Variants in PARP15 observed in about 807,000 individuals in gnomAD.
PARP15 encodes the protein poly(ADP-ribose) polymerase family member 15.
In PARP15, 50 loss-of-function variants were observed where a neutral mutation model predicts 62.1. The observed-to-expected ratio is 0.81, with a 90% CI of 0.64 to 1.02. The LOEUF is 1.02. PARP15 is among the 50% of genes least tolerant of loss of function. The pLI, the probability that PARP15 is intolerant of heterozygous loss-of-function variation, is 0.00. For synonymous variants in PARP15, 309 were observed against 293.1 expected (o/e 1.05, Z -0.55); for missense variants, 820 against 826.5 (o/e 0.99, Z 0.10).
At chr3:122,631,261 T>C (rs1430518677) in intron 9 of PARP15, among the ~76,000 whole-genome samples, 1 of 152,168 alleles carries the variant, frequency 6.6e-6, no homozygotes, top group African/African-American at 2.4e-5. Flanking sequence ...AAAATGGAGT[T>C]TGAAAAGAGC....
intron 3 of PARP15, among the ~76,000 whole-genome samples, chr3:122,611,493 G>A (rs956246356): frequency 5.8e-4 from 87 of 149,522 alleles, no homozygotes; most frequent in Non-Finnish European, 4.0e-4. Flanking sequence ...TGCCCACCAC[G>A]GGGCCTGGCT....
intron 3 of PARP15, among the ~76,000 whole-genome samples, chr3:122,612,112 G>A (rs1935611309): frequency 1.3e-5 from 2 of 151,154 alleles, no homozygotes; most frequent in South Asian, 4.2e-4. Context: ...CTGGAGTGCA[G>A]TGGCGCGATC....
At chr3:122,623,906 G>GA (rs199589799) in intron 8 of PARP15, among the ~76,000 whole-genome samples, 1 of 152,006 alleles carries the variant, frequency 6.6e-6, no homozygotes, top group African/African-American at 2.4e-5. Flanking sequence ...CACTTTGCGG[G>GA]GCTGAGGCGG....
At chr3:122,606,295 AATCT>A (rs1935156547) in intron 2 of PARP15, among the ~76,000 whole-genome samples, 2 of 152,110 alleles carry the variant, frequency 1.3e-5, no homozygotes, top group South Asian at 4.1e-4. Flanking sequence ...AGAGTTTGCA[AATCT>A]ATCTCTTTTA....
intron 8 of PARP15, among the ~76,000 whole-genome samples, chr3:122,626,488 G>A (rs1020624028): frequency 2.6e-5 from 4 of 152,142 alleles, no homozygotes; most frequent in African/African-American, 9.7e-5. Context: ...GTGAGCCACC[G>A]CACCTGGCCT....
At chr3:122,582,501 G>A (rs1175152106) in intron 1 of PARP15, among the ~76,000 whole-genome samples, 3 of 152,208 alleles carry the variant, frequency 2.0e-5, no homozygotes, top group Admixed American at 2.0e-4. Context: ...TAAGTTGACA[G>A]TTAAAGATAT....
chr3:122,605,799 C>A, intron 1 of PARP15, 137 bp from the exon 2 acceptor site: 1 of 798,920 alleles, frequency 1.3e-6, no homozygotes, highest in African/African-American at 1.8e-5. Flanking sequence ...CCAAGCTGTT[C>A]TTGAACTCCT....
chr3:122,612,495 G>T (rs1018462164), intron 3 of PARP15, among the ~76,000 whole-genome samples: 1 of 151,662 alleles, frequency 6.6e-6, no homozygotes, highest in Non-Finnish European at 1.5e-5. Flanking sequence ...GGAGTACAGT[G>T]GCGCAATCTT....
chr3:122,595,221 C>T (rs1269101827), intron 1 of PARP15, among the ~76,000 whole-genome samples: 1 of 152,116 alleles, frequency 6.6e-6, no homozygotes, highest in Non-Finnish European at 1.5e-5. Context: ...CCAATTTCCA[C>T]ATAGCTACTA....
At chr3:122,630,451 A>G (rs568168290) in intron 9 of PARP15, among the ~76,000 whole-genome samples, 5 of 152,302 alleles carry the variant, frequency 3.3e-5, no homozygotes, top group African/African-American at 1.2e-4. Context: ...TCAGAAGGCC[A>G]AGGCAGGAGG....
Position 122,613,201 on chromosome 3 carries a change from G to A in PARP15, c.704G>A (p.Arg235Lys). ...SEVFEYSSST[R>K]PITSPLQEVH... ...GTGTTCGAATACAGTAGCAGCACAA[G>A]GCCGATAACTAGCCCTTTACAAGAA... Residue 235 changes from arginine (R) to lysine (K), a missense_variant, in exon 4 of 12, where the codon AGG becomes AAG. Arg to Lys is a conservative substitution (Grantham distance 26). This residue lies in a region of PARP15 where 731 missense variants were observed against 727.7 expected (regional missense o/e 1.00). Transcript: ENST00000464300. 6.4e-7 allele frequency: 1 copy of A among 1,551,832 alleles called. No homozygotes were observed. The highest frequency in any genetic ancestry group is 8.7e-7 in the Non-Finnish European group (1 of 1,146,984).
At chr3:122,579,993 C>CTATATA (rs58969507) in intron 1 of PARP15, among the ~76,000 whole-genome samples, 3 of 70,824 alleles carry the variant, frequency 4.2e-5, no homozygotes, top group African/African-American at 5.9e-5. Context: ...ACAACAGCAA[C>CTATATA]TATATGTATA....
intron 1 of PARP15, among the ~76,000 whole-genome samples, chr3:122,601,894 T>C (rs576199748): frequency 3.3e-5 from 5 of 152,318 alleles, no homozygotes; most frequent in South Asian, 4.1e-4. Flanking sequence ...CCACCAGCAA[T>C]GAATGAGTGT....
Position 122,577,833 on chromosome 3 carries a change from C to T in PARP15, c.166C>T (p.Arg56Cys), listed in dbSNP as rs1288583928. 3 of 1,549,682 alleles carry T rather than the reference C, an allele frequency of 1.9e-6. No homozygotes were observed. Among genetic ancestry groups the T allele is most frequent in the Middle Eastern group, 1.7e-4 (1 of 5,978 alleles). The stretch of plus-strand genomic sequence containing the variant: ...CCGTGGGGCGCGGAAGGCCTCCCGG[C>T]GCTCTTCCTCCCGGAGTATGGTGAG... ...GNRGARKASR[R>C]SSSRSMSRDN... The change falls in exon 1 of 12, where the codon CGC (arginine) becomes TGC (cysteine). Residue 56 changes from arginine to cysteine, a missense_variant. Around this residue, in one of 3 missense-constraint regions of PARP15, gnomAD observed 731 missense variants for 727.7 expected, o/e 1.00. Transcript: ENST00000464300.
At position 122,636,031 on chromosome 3, in the gene PARP15, T is replaced by A; in HGVS notation, c.1968T>A (p.Ser656=). ...LFDSVTNNTR[S]PKLFVVFFDN... ...ACTCAGTGACAAACAATACACGATC[T>A]CCAAAGCTATTTGTGGTATTCTTTG... is the stretch of plus-strand genomic sequence containing the variant. Residue 656 remains serine, a synonymous_variant, in exon 12 of 12, where the codon TCT becomes TCA. Transcript: ENST00000464300. 3 of 1,614,054 alleles carry A rather than the reference T, an allele frequency of 1.9e-6. No homozygotes were observed. The highest frequency in any genetic ancestry group is 2.5e-6 in the Non-Finnish European group (3 of 1,179,948).
chr3:122,611,356 G>A (rs530612314), intron 3 of PARP15, among the ~76,000 whole-genome samples: 6 of 152,012 alleles, frequency 3.9e-5, no homozygotes, highest in Non-Finnish European at 8.8e-5. Flanking sequence ...TTTTGAGACC[G>A]AGTTTCGCTC....
intron 1 of PARP15, among the ~76,000 whole-genome samples, chr3:122,597,726 A>T (rs1259793120): frequency 1.3e-5 from 2 of 152,166 alleles, no homozygotes; most frequent in Non-Finnish European, 2.9e-5. Context: ...TAGTCTATAC[A>T]TATAGATTTT....
At chr3:122,591,028 A>G (rs1933869682) in intron 1 of PARP15, among the ~76,000 whole-genome samples, 1 of 152,206 alleles carries the variant, frequency 6.6e-6, no homozygotes, top group African/African-American at 2.4e-5. Context: ...ATAATGTTTA[A>G]CTTTATGCAA....
rs1428121065 is a variant in PARP15 at position 122,625,231 on chromosome 3, GTTGTTGTTGTTCTTTGTTTGTTTTT to G, written c.1232-1584_1232-1560del. On this transcript the variant is annotated intron_variant, in intron 8 of 11. Coordinates refer to ENST00000464300, the MANE Select transcript of PARP15 (RefSeq NM_001113523.3). The stretch of plus-strand genomic sequence containing the variant: ...ATTTAGAGATAGGGTTTTGTTTGTT[GTTGTTGTTGTTCTTTGTTTGTTTTT>G]TTGTTGTTGTTTTTTGAGACAGTGT... Among the ~76,000 whole-genome samples, 23 of 145,326 alleles carry G rather than the reference GTTGTTGTTGTTCTTTGTTTGTTTTT, an allele frequency of 1.6e-4. 1 individual carries two copies. In the East Asian group the frequency reaches 4.0e-3, roughly 25 times the overall value.
Sources: allele counts gnomAD v4.1 joint callset (sites outside exome capture counted in the v4.1 genomes callset), GRCh38; gene constraint gnomAD v4.1.1; regional missense constraint gnomAD v4.1.1; transcripts MANE v1.5; gene names NCBI Gene and HGNC (gene_info 2026-07-23, HGNC 2026-07-21).